The following CEP112 variants were observed in gnomAD, a reference collection of about 807,000 sequenced individuals.
CEP112 encodes centrosomal protein 112, also known as centrosomal protein of 112 kDa.
Under a neutral mutation model 153.0 loss-of-function variants are expected in CEP112, and 127 were observed. That is an observed-to-expected ratio of 0.83 (90% CI 0.72 to 0.96). CEP112 has a LOEUF of 0.96. Among genes scored for constraint, CEP112 ranks in the 40% least tolerant of loss-of-function variants. The pLI, the probability that CEP112 is intolerant of heterozygous loss-of-function variation, is 0.00. For synonymous variants in CEP112, 358 were observed against 374.4 expected, an observed-to-expected ratio of 0.96 and a Z score of 0.51; for missense variants, 1,089 against 1,101.2, an observed-to-expected ratio of 0.99 and a Z score of 0.16.
chr17:65,862,676 T>G (rs2058347998), intron 20 of CEP112, among the ~76,000 whole-genome samples: 1 of 152,162 alleles, frequency 6.6e-6, no homozygotes, highest in African/African-American at 2.4e-5. Context: ...ATTTAAATAT[T>G]AATTATGACA....
intron 12 of CEP112, among the ~76,000 whole-genome samples, chr17:66,042,308 C>T (rs2066018923): frequency 6.6e-6 from 1 of 152,100 alleles, no homozygotes; most frequent in Admixed American, 6.6e-5. Context: ...TGAGATTGTG[C>T]AACTACACTT....
intron 21 of CEP112, among the ~76,000 whole-genome samples, chr17:65,820,786 T>C (rs1417073646): frequency 6.6e-6 from 1 of 152,164 alleles, no homozygotes; most frequent in Non-Finnish European, 1.5e-5. Flanking sequence ...GCCTAAATTA[T>C]AAATCTTTAA....
At chr17:65,717,161 A>G (rs2049574188) in intron 23 of CEP112, among the ~76,000 whole-genome samples, 1 of 152,232 alleles carries the variant, frequency 6.6e-6, no homozygotes, top group Non-Finnish European at 1.5e-5. Flanking sequence ...TAATTTGCTC[A>G]GCTAAATAAA....
intron 25 of CEP112, among the ~76,000 whole-genome samples, chr17:65,638,342 A>G (rs1567793217): frequency 1.3e-5 from 2 of 152,268 alleles, no homozygotes; most frequent in Non-Finnish European, 2.9e-5. Context: ...GGCTTAATGT[A>G]ATCAAGAGTC....
intron 22 of CEP112, among the ~76,000 whole-genome samples, chr17:65,744,058 C>T (rs1030919834): frequency 3.3e-5 from 5 of 151,178 alleles, no homozygotes; most frequent in Admixed American, 6.6e-5. Context: ...CCACTGTGCC[C>T]GGCCTGCCTA....
intron 21 of CEP112, among the ~76,000 whole-genome samples, chr17:65,837,340 T>A (rs1438551861): frequency 1.4e-5 from 2 of 145,732 alleles, no homozygotes; most frequent in Non-Finnish European, 3.0e-5. Flanking sequence ...CTGGCCGTCA[T>A]CCCGTCTAGG....
chr17:66,165,867 A>C (rs1217318150), intron 4 of CEP112, among the ~76,000 whole-genome samples: 1 of 152,204 alleles, frequency 6.6e-6, no homozygotes, highest in Middle Eastern at 3.2e-3. Context: ...ATTATAAAGC[A>C]AGTCACATTT....
intron 24 of CEP112, among the ~76,000 whole-genome samples, chr17:65,676,062 G>A (rs1039579886): frequency 6.6e-6 from 1 of 152,188 alleles, no homozygotes; most frequent in East Asian, 1.9e-4. Context: ...TTTAAGGCCA[G>A]GCGCAGTGGT....
intron 20 of CEP112, among the ~76,000 whole-genome samples, chr17:65,881,401 G>GGTGTGTGTGT (rs34374244): frequency 7.3e-5 from 11 of 150,482 alleles, no homozygotes; most frequent in African/African-American, 2.4e-4. Context: ...GCAGAAAACA[G>GGTGTGTGTGT]GTGTGTGTGT....
chr17:65,661,381 T>A (rs932388956), intron 24 of CEP112, among the ~76,000 whole-genome samples: 2 of 152,210 alleles, frequency 1.3e-5, no homozygotes, highest in Admixed American at 6.5e-5. Flanking sequence ...CTCTTTTGCA[T>A]ATATTATATT....
Position 65,638,935 on chromosome 17 carries a change from C to T in CEP112, c.2800-1747G>A, listed in dbSNP as rs751766522. On this transcript the variant is annotated intron_variant, in intron 25 of 26. Transcript: ENST00000535342. The stretch of plus-strand genomic sequence containing the variant: ...CTTCCTAAAAAAACTCCTCTGAAGG[C>T]GTCAGGTCCTACATAGCTGACACTA... Among the ~76,000 whole-genome samples the T allele has an allele frequency of 5.9e-5, 9 of 152,164 alleles. No individual in the cohort carries two copies. The South Asian group carries it at 1.5e-3, about 25-fold the overall frequency.
chr17:65,717,989 T>G (rs1465926679), intron 23 of CEP112, among the ~76,000 whole-genome samples: 1 of 152,188 alleles, frequency 6.6e-6, no homozygotes, highest in African/African-American at 2.4e-5. Flanking sequence ...TCTATTAATA[T>G]AAAATTTGAC....
At chr17:65,772,799 A>G (rs984190202) in intron 21 of CEP112, among the ~76,000 whole-genome samples, 4 of 152,172 alleles carry the variant, frequency 2.6e-5, no homozygotes, top group African/African-American at 9.7e-5. Context: ...AAGTGTCATG[A>G]AAGAGATCTG....
intron 11 of CEP112, among the ~76,000 whole-genome samples, chr17:66,054,450 T>C (rs1449482997): frequency 6.6e-6 from 1 of 152,212 alleles, no homozygotes; most frequent in Non-Finnish European, 1.5e-5. Context: ...GTATACTACA[T>C]GTACAGAGGT....
Position 65,826,227 on chromosome 17 carries a change from C to G in CEP112, c.2394+25577G>C, listed in dbSNP as rs770472687. 1.4e-5 allele frequency: 23 copies of G among 1,614,042 alleles called. No homozygotes were observed. The Admixed American group carries it at 3.2e-4, about 22-fold the overall frequency. On this transcript the variant is annotated intron_variant, in intron 21 of 26. Transcript: ENST00000535342. ...GTCTTGGGGACATTACCATTCTCTT[C>G]TCTCATCTCTATCAGTCTCAGGGCT...
At chr17:65,977,311 G>A (rs763044216) in intron 17 of CEP112, among the ~76,000 whole-genome samples, 1 of 152,128 alleles carries the variant, frequency 6.6e-6, no homozygotes, top group Non-Finnish European at 1.5e-5. Flanking sequence ...TCATAGAAAC[G>A]TTCCAGGTTT....
chr17:66,092,407 C>A (rs1448046213), intron 8 of CEP112, among the ~76,000 whole-genome samples: 1 of 120,792 alleles, frequency 8.3e-6, no homozygotes, highest in Non-Finnish European at 1.7e-5. Context: ...ACACACACAA[C>A]ATATGCCCAG....
intron 20 of CEP112, among the ~76,000 whole-genome samples, chr17:65,865,902 C>T (rs896850098): frequency 3.3e-5 from 5 of 151,870 alleles, no homozygotes; most frequent in South Asian, 4.2e-4. Context: ...TGCCCTGAGG[C>T]GGAGCTGGGC....
intron 12 of CEP112, among the ~76,000 whole-genome samples, chr17:66,031,389 GAT>G (rs2065462986): frequency 6.6e-6 from 1 of 151,230 alleles, no homozygotes; most frequent in Non-Finnish European, 1.5e-5. Context: ...CCTACAAGAG[GAT>G]ATTCTATTAT....
Sources: allele counts gnomAD v4.1 joint callset (sites outside exome capture counted in the v4.1 genomes callset), GRCh38; gene constraint gnomAD v4.1.1; transcripts MANE v1.5; gene names NCBI Gene and HGNC (gene_info 2026-07-23, HGNC 2026-07-21).